The following ULBP2 variants were observed in gnomAD, a reference collection of about 807,000 sequenced individuals.
The protein encoded by ULBP2 is UL16 binding protein 2, also known as UL16-binding protein 2.
In ULBP2, 21 loss-of-function variants were observed where a neutral mutation model predicts 23.6. The ratio of observed to expected loss-of-function variants is 0.89; its 90% CI spans 0.63 to 1.28. The LOEUF (loss-of-function observed/expected upper bound fraction) is 1.28. Among genes scored for constraint, ULBP2 ranks in the 50% most tolerant of loss-of-function variants. The pLI, the probability that ULBP2 is intolerant of heterozygous loss-of-function variation, is 0.00. For synonymous variants in ULBP2, 82 were observed against 112.8 expected, an observed-to-expected ratio of 0.73 and a Z score of 1.73; for missense variants, 251 against 306.0, an observed-to-expected ratio of 0.82 and a Z score of 1.34.
intron 2 of ULBP2, 71 bp downstream of exon 2, chr6:149,945,643 T>C (rs990424422): frequency 2.5e-6 from 4 of 1,612,624 alleles, no homozygotes; most frequent in South Asian, 2.2e-5. Flanking sequence ...ATAGTTTTCA[T>C]GTAAAAATAC....
At chr6:149,946,720 C>A in intron 3 of ULBP2, 67 bp downstream of exon 3, 2 of 1,595,560 alleles carry the variant, frequency 1.3e-6, no homozygotes, top group Non-Finnish European at 1.7e-6. Flanking sequence ...GAAGTTAGTT[C>A]TTGAGTTCAG....
At chr6:149,942,463 C>T (rs752146581) in intron 1 of ULBP2, among the ~76,000 whole-genome samples, 8 of 152,088 alleles carry the variant, frequency 5.3e-5, no homozygotes, top group Non-Finnish European at 1.2e-4. Flanking sequence ...CCCACCCGCC[C>T]TCGGGAAGGA....
chr6:149,946,471 T>C lies in ULBP2; in HGVS notation c.449T>C (p.Leu150Pro). ...QFSFDGQIFLLFDSEKRMWTT... is the reference protein window; with the variant it reads ...QFSFDGQIFLPFDSEKRMWTT... Reference sequence around the variant, plus strand: ...AGTTTCGATGGGCAGATCTTCCTCCTCTTTGACTCAGAGAAGAGAATGTGG... The same window carrying C: ...AGTTTCGATGGGCAGATCTTCCTCCCCTTTGACTCAGAGAAGAGAATGTGG... Residue 150 changes from leucine to proline, a missense_variant, in exon 3 of 5, where the codon CTC becomes CCC. Leu to Pro is a moderately conservative substitution (Grantham distance 98). This residue lies in a region of ULBP2 where 248 missense variants were observed against 258.9 expected (regional missense o/e 0.96). Coordinates refer to ENST00000367351, the MANE Select transcript of ULBP2 (RefSeq NM_025217.4). The C allele has an allele frequency of 6.2e-7, 1 of 1,614,180 alleles. No homozygotes were observed. Among genetic ancestry groups the C allele is most frequent in the Non-Finnish European group, 8.5e-7 (1 of 1,180,034 alleles).
intron 1 of ULBP2, among the ~76,000 whole-genome samples, chr6:149,943,830 G>A (rs1395026647): frequency 6.6e-6 from 1 of 151,980 alleles, no homozygotes; most frequent in East Asian, 1.9e-4. Flanking sequence ...TCTCTGTTGT[G>A]ATTCTCCAAT....
intron 4 of ULBP2, among the ~76,000 whole-genome samples, chr6:149,947,980 C>T (rs1244996046): frequency 6.6e-6 from 1 of 152,232 alleles, no homozygotes; most frequent in Non-Finnish European, 1.5e-5. Flanking sequence ...GCTGCCTTCC[C>T]ACAGAAAGTG....
intron 4 of ULBP2, among the ~76,000 whole-genome samples, chr6:149,948,161 C>T (rs992410556): frequency 8.5e-5 from 13 of 152,178 alleles, no homozygotes; most frequent in African/African-American, 3.1e-4. Context: ...GATGGCCCTG[C>T]CTGGAGCAGA....
chr6:149,947,985 A>G (rs1778968990), intron 4 of ULBP2, among the ~76,000 whole-genome samples: 1 of 152,240 alleles, frequency 6.6e-6, no homozygotes, highest in African/African-American at 2.4e-5. Flanking sequence ...CTTCCCACAG[A>G]AAGTGGCTTG....
intron 1 of ULBP2, among the ~76,000 whole-genome samples, 186 bp downstream of exon 1, chr6:149,942,343 G>T (rs907967137): frequency 6.6e-6 from 1 of 152,196 alleles, no homozygotes; most frequent in African/African-American, 2.4e-5. Context: ...CTTCTTGCCC[G>T]GGAAGAGGCG....
At chr6:149,944,274 C>G (rs1180950229) in intron 1 of ULBP2, among the ~76,000 whole-genome samples, 1 of 151,986 alleles carries the variant, frequency 6.6e-6, no homozygotes, top group East Asian at 1.9e-4. Context: ...TTAAATCCAG[C>G]AGTATCTGGG....
intron 1 of ULBP2, 145 bp downstream of exon 1, chr6:149,942,302 T>C (rs1582812100): frequency 1.2e-6 from 1 of 828,890 alleles, no homozygotes; most frequent in East Asian, 2.9e-5. Context: ...GGTCGGCGGC[T>C]CCTTCCTGCT....
At chr6:149,947,900 T>G (rs1778967027) in intron 4 of ULBP2, among the ~76,000 whole-genome samples, 1 of 152,146 alleles carries the variant, frequency 6.6e-6, no homozygotes, top group African/African-American at 2.4e-5. Flanking sequence ...AAGAGAGATC[T>G]GGGTGTAATC....
chr6:149,947,209 G>A (rs1410420027), intron 3 of ULBP2, 111 bp from the exon 4 acceptor site: 1 of 1,594,980 alleles, frequency 6.3e-7, no homozygotes, highest in Non-Finnish European at 8.6e-7. Context: ...CCAGGGGGGA[G>A]AGGACAAAAC....
At chr6:149,942,258 G>A in intron 1 of ULBP2, 101 bp downstream of exon 1, 1 of 1,293,372 alleles carries the variant, frequency 7.7e-7, no homozygotes, top group African/African-American at 1.5e-5. Flanking sequence ...AAGGACGGGG[G>A]AGATCTCCCC....
At chr6:149,942,309 T>C in intron 1 of ULBP2, 152 bp downstream of exon 1, 3 of 779,160 alleles carry the variant, frequency 3.9e-6, no homozygotes, top group Non-Finnish European at 5.8e-6. Flanking sequence ...GGCTCCTTCC[T>C]GCTGGGTGCA....
intron 1 of ULBP2, among the ~76,000 whole-genome samples, chr6:149,943,015 T>C (rs1778886558): frequency 2.0e-5 from 3 of 152,128 alleles, no homozygotes; most frequent in Admixed American, 2.0e-4. Flanking sequence ...GTCAGCGTCA[T>C]AGAGAATAGT....
chr6:149,946,293 G>A, intron 2 of ULBP2, 79 bp from the exon 3 acceptor site: 1 of 1,521,210 alleles, frequency 6.6e-7, no homozygotes, highest in Non-Finnish European at 9.0e-7. Flanking sequence ...AGAGAGTAAG[G>A]CCAGCAAATT....
Position 149,946,651 on chromosome 6 carries a change from G to T in ULBP2, c.629G>T (p.Gly210Val). ...GMDSTLEPSAGAPLAMSSGTT... is the reference protein window; with the variant it reads ...GMDSTLEPSAVAPLAMSSGTT... ...GACAGCACCCTGGAGCCAAGTGCAG[G>T]AGGTAACAGGAGAAAAAGAAACGGG... The change falls in exon 3 of 5, where the codon GGA (glycine) becomes GTA (valine). Residue 210 changes from glycine (G) to valine (V), a missense_variant and splice_region_variant. Coordinates refer to ENST00000367351, the MANE Select transcript of ULBP2 (RefSeq NM_025217.4). 3 of 1,613,050 alleles carry T rather than the reference G, an allele frequency of 1.9e-6. No homozygotes were observed. The highest frequency in any genetic ancestry group is 1.7e-6 in the Non-Finnish European group (2 of 1,179,248).
At chr6:149,942,843 C>T (rs1778883846) in intron 1 of ULBP2, among the ~76,000 whole-genome samples, 2 of 152,090 alleles carry the variant, frequency 1.3e-5, no homozygotes. Flanking sequence ...CTGCCTCTTG[C>T]CTGAGGACAC....
intron 4 of ULBP2, among the ~76,000 whole-genome samples, chr6:149,948,406 C>G (rs1778975913): frequency 1.3e-5 from 2 of 152,316 alleles, no homozygotes; most frequent in Non-Finnish European, 2.9e-5. Flanking sequence ...TGCCCCACCC[C>G]TTGCCTGTTT....
Sources: allele counts gnomAD v4.1 joint callset (sites outside exome capture counted in the v4.1 genomes callset), GRCh38; gene constraint gnomAD v4.1.1; regional missense constraint gnomAD v4.1.1; transcripts MANE v1.5; gene names NCBI Gene and HGNC (gene_info 2026-07-23, HGNC 2026-07-21).